The following CFAP299 variants were observed in gnomAD, a reference collection of about 807,000 sequenced individuals.
The protein encoded by CFAP299 is cilia- and flagella-associated protein 299.
CFAP299 carries 21 observed loss-of-function variants against 27.0 expected under a neutral mutation model. That is an observed-to-expected ratio of 0.78 (90% confidence interval 0.55 to 1.12). The LOEUF is 1.12. CFAP299 is among the 50% of genes most tolerant of loss of function. CFAP299 has a pLI of 0.00. For synonymous variants in CFAP299, 104 were observed against 98.1 expected, an observed-to-expected ratio of 1.06 and a Z score of -0.36; for missense variants, 310 against 276.6, an observed-to-expected ratio of 1.12 and a Z score of -0.86.
intron 3 of CFAP299, among the ~76,000 whole-genome samples, chr4:80,695,048 T>C (rs940864734): frequency 6.6e-6 from 1 of 152,170 alleles, no homozygotes; most frequent in African/African-American, 2.4e-5. Context: ...GTATGCCTCA[T>C]AGTAGCATCA....
Position 80,702,606 on chromosome 4 carries a change from G to A in CFAP299, c.333+119423G>A, listed in dbSNP as rs572499555. Among the ~76,000 whole-genome samples the A allele has an allele frequency of 6.6e-5, 10 of 151,852 alleles. No homozygotes were observed. In the South Asian group the frequency reaches 1.7e-3, roughly 25 times the overall value. On this transcript the variant is annotated intron_variant, in intron 3 of 5. Coordinates refer to ENST00000358105, the MANE Select transcript of CFAP299 (RefSeq NM_152770.3). ...AATTATTACTATTTGGGTAAATTCC[G>A]AAATTTTATTGAATACTTTTTCCTG...
At chr4:80,379,717 A>G (rs1490203919) in intron 2 of CFAP299, among the ~76,000 whole-genome samples, 1 of 152,012 alleles carries the variant, frequency 6.6e-6, no homozygotes, top group African/African-American at 2.4e-5. Context: ...TGTCATTATG[A>G]TATTAATTTC....
At chr4:80,675,341 T>C (rs544768533) in intron 3 of CFAP299, among the ~76,000 whole-genome samples, 18 of 152,294 alleles carry the variant, frequency 1.2e-4, no homozygotes, top group Admixed American at 9.8e-4. Flanking sequence ...TTTACCTGGG[T>C]ATCACCAGTG....
intron 2 of CFAP299, among the ~76,000 whole-genome samples, chr4:80,413,854 G>A (rs1726859758): frequency 6.9e-6 from 1 of 145,564 alleles, no homozygotes; most frequent in African/African-American, 2.5e-5. Context: ...TGTCCAAGCA[G>A]TTAGAAATTG....
chr4:80,869,655 A>G (rs745342933), intron 3 of CFAP299, among the ~76,000 whole-genome samples: 2 of 152,082 alleles, frequency 1.3e-5, no homozygotes, highest in African/African-American at 2.4e-5. Flanking sequence ...CTGGGATTAT[A>G]GGCGCCCTCC....
At chr4:80,516,450 G>T (rs1732594002) in intron 2 of CFAP299, among the ~76,000 whole-genome samples, 1 of 152,126 alleles carries the variant, frequency 6.6e-6, no homozygotes, top group African/African-American at 2.4e-5. Flanking sequence ...ACAGCCTCAG[G>T]AAGTTTACAA....
intron 3 of CFAP299, among the ~76,000 whole-genome samples, chr4:80,598,269 C>A (rs145571327): frequency 7.3e-4 from 111 of 152,282 alleles, no homozygotes; most frequent in African/African-American, 2.5e-3. Flanking sequence ...GGCTAATGTA[C>A]AAAACAGTGT....
chr4:80,468,471 G>A lies in CFAP299; in HGVS notation c.242+105587G>A, dbSNP rs982475509. Among the ~76,000 whole-genome samples the A allele has an allele frequency of 6.0e-4, 91 of 151,960 alleles. 1 individual carries two copies. Among genetic ancestry groups the A allele is most frequent in the African/African-American group, 1.8e-3 (74 of 41,452 alleles). On this transcript the variant is annotated intron_variant, in intron 2 of 5. Coordinates refer to ENST00000358105, the MANE Select transcript of CFAP299 (RefSeq NM_152770.3). ...CTCCTGAGCTCAAAGTGTTCCACCC[G>A]CCTTGTTCTCCCGAAGTGCTGGGAT...
chr4:80,343,799 T>TAAAAAAAA (rs35187249), intron 1 of CFAP299, among the ~76,000 whole-genome samples: 3 of 75,362 alleles, frequency 4.0e-5, no homozygotes, highest in Non-Finnish European at 6.6e-5. Flanking sequence ...AGACTCCGTC[T>TAAAAAAAA]AAAAAAAAAA....
intron 2 of CFAP299, among the ~76,000 whole-genome samples, chr4:80,542,001 G>C (rs546785077): frequency 6.6e-6 from 1 of 152,080 alleles, no homozygotes; most frequent in Non-Finnish European, 1.5e-5. Flanking sequence ...AGGACAGAAG[G>C]CATATTCATA....
intron 2 of CFAP299, among the ~76,000 whole-genome samples, chr4:80,550,647 T>G (rs1734458891): frequency 6.6e-6 from 1 of 152,004 alleles, no homozygotes; most frequent in Admixed American, 6.6e-5. Context: ...TCCCCACCAT[T>G]TTAATCCTGA....
At chr4:80,963,446 TAA>T in intron 5 of CFAP299, 69 bp from the exon 6 acceptor site, 1 of 879,130 alleles carries the variant, frequency 1.1e-6, no homozygotes, top group Non-Finnish European at 1.6e-6. Context: ...AGCAAAAAAA[TAA>T]AAAAAAAATT....
At chr4:80,742,724 G>A (rs995356172) in intron 3 of CFAP299, among the ~76,000 whole-genome samples, 1 of 152,146 alleles carries the variant, frequency 6.6e-6, no homozygotes. Flanking sequence ...TAATTTTTAA[G>A]ATGATATGTC....
intron 2 of CFAP299, among the ~76,000 whole-genome samples, chr4:80,574,853 C>T (rs1477977289): frequency 6.6e-6 from 1 of 151,976 alleles, no homozygotes; most frequent in Non-Finnish European, 1.5e-5. Context: ...TTGTTGAATT[C>T]AGTTTGCTAG....
intron 2 of CFAP299, among the ~76,000 whole-genome samples, chr4:80,459,663 A>G (rs1729342695): frequency 6.6e-6 from 1 of 152,144 alleles, no homozygotes; most frequent in Non-Finnish European, 1.5e-5. Context: ...ATTAAACTTA[A>G]TGAAGAAAAA....
At chr4:80,562,383 A>C (rs1181127215) in intron 2 of CFAP299, among the ~76,000 whole-genome samples, 1 of 152,016 alleles carries the variant, frequency 6.6e-6, no homozygotes, top group Admixed American at 6.6e-5. Flanking sequence ...AGATCACTTG[A>C]GGTCAAGAGT....
intron 4 of CFAP299, among the ~76,000 whole-genome samples, chr4:80,877,892 T>G (rs921060771): frequency 6.6e-6 from 1 of 152,168 alleles, no homozygotes; most frequent in Non-Finnish European, 1.5e-5. Context: ...TCTCTTTTGG[T>G]ATTTTGGTGT....
chr4:80,524,383 G>A (rs543695876), intron 2 of CFAP299, among the ~76,000 whole-genome samples: 13 of 152,050 alleles, frequency 8.5e-5, no homozygotes, highest in African/African-American at 3.1e-4. Context: ...CTAGAGGGAA[G>A]CATAGGGATC....
intron 2 of CFAP299, among the ~76,000 whole-genome samples, chr4:80,518,947 G>A (rs924701340): frequency 2.0e-5 from 3 of 152,170 alleles, no homozygotes; most frequent in Admixed American, 1.3e-4. Context: ...ACTGGCAAGT[G>A]AAGTGAATGC....
Sources: allele counts gnomAD v4.1 joint callset (sites outside exome capture counted in the v4.1 genomes callset), GRCh38; gene constraint gnomAD v4.1.1; transcripts MANE v1.5; gene names NCBI Gene and HGNC (gene_info 2026-07-23, HGNC 2026-07-21).